The following MICALL1 variants were observed in gnomAD, a reference collection of about 807,000 sequenced individuals.
The protein encoded by MICALL1 is MICAL like 1.
A neutral mutation model predicts 83.7 loss-of-function variants in MICALL1; 61 were observed. The observed-to-expected ratio is 0.73, with a 90% CI of 0.59 to 0.90. The LOEUF is 0.90. Ranked by LOEUF, MICALL1 falls within the 40% of genes least tolerant of loss-of-function variation. The pLI is 0.00. For missense variants in MICALL1, 1,066 were observed against 1,152.0 expected, an observed-to-expected ratio of 0.93 and a Z score of 1.08; for synonymous variants, 481 against 473.6, an observed-to-expected ratio of 1.02 and a Z score of -0.20.
At chr22:37,914,644 TA>T (rs1443616879) in intron 3 of MICALL1, among the ~76,000 whole-genome samples, 33 of 152,052 alleles carry the variant, frequency 2.2e-4, no homozygotes, top group East Asian at 5.8e-4. Flanking sequence ...CATATATGTG[TA>T]TTTTTTTTGA....
At position 37,924,543 on chromosome 22, in the gene MICALL1, C is replaced by T. The variant is rs1929297566; in HGVS notation, c.1025-117C>T. ...CTCCATGGGCTGGCCTGGGGAGGTG[C>T]GAGGGTGCCAGGAGGAAGGCGGGGC... On this transcript the variant is annotated intron_variant, in intron 6 of 15. Coordinates refer to ENST00000215957, the MANE Select transcript of MICALL1 (RefSeq NM_033386.4). This position sits in a 1 kb window ranked among gnomAD's most constrained non-coding sequence, Gnocchi z 5.2. The T allele has an allele frequency of 9.4e-6, 9 of 959,476 alleles. No individual in the cohort carries two copies. The highest frequency in any genetic ancestry group is 2.7e-4 in the Middle Eastern group (1 of 3,690). 59.4% of individuals were successfully genotyped at this position (959,476 alleles called of 1,614,324 possible).
rs538262253 is a variant in MICALL1, at chr22:37,924,077, G to A, written c.1025-583G>A. On this transcript the variant is annotated intron_variant, in intron 6 of 15. Transcript: ENST00000215957. The surrounding 1 kb of genome is among the most constrained non-coding windows in gnomAD (Gnocchi z 5.2). ...TATCATTCCATTAGGGAAGGCATTG[G>A]TGGCCACGGGGAGAGAGACTCCCAG... Among the ~76,000 whole-genome samples, 6 of 152,188 alleles carry A rather than the reference G, an allele frequency of 3.9e-5. No homozygotes were observed. The highest frequency in any genetic ancestry group is 6.5e-5 in the Admixed American group (1 of 15,280).
chr22:37,922,410 C>T lies in MICALL1; in HGVS notation c.1008C>T (p.Ser336=). The part of the protein sequence containing the change: ...QQENLVEQAG[S]SSLVNGRLHE... ...AGAACCTGGTGGAGCAGGCTGGCAGCAGCAGCCTGGTGAACGGTGAGCAGG... is the reference window on the plus strand; with the variant it reads ...AGAACCTGGTGGAGCAGGCTGGCAGTAGCAGCCTGGTGAACGGTGAGCAGG... Residue 336 remains serine (S), a synonymous_variant, in exon 6 of 16, where the codon AGC becomes AGT. Coordinates refer to ENST00000215957, the MANE Select transcript of MICALL1 (RefSeq NM_033386.4). 1.3e-6 allele frequency: 2 copies of T among 1,531,022 alleles called. No homozygotes were observed. Among genetic ancestry groups the T allele is most frequent in the Non-Finnish European group, 1.8e-6 (2 of 1,142,718 alleles). The allele number at this position is 1,531,022 out of a possible 1,614,324, so 94.8% of individuals were successfully genotyped here.
Position 37,909,624 on chromosome 22 carries a change from CTGGGATTATA to C in MICALL1, c.147-2327_147-2318del, listed in dbSNP as rs780309490. Reference sequence around the variant, plus strand: ...CCACCTGCCTTGGCCTCCCAAAGTGCTGGGATTATAGGTGTGAGCCACCGCGCCTGGCCAA... The same window carrying C: ...CCACCTGCCTTGGCCTCCCAAAGTGCGGTGTGAGCCACCGCGCCTGGCCAA... On this transcript the variant is annotated intron_variant, in intron 1 of 15. Transcript: ENST00000215957. Among the ~76,000 whole-genome samples the C allele has an allele frequency of 5.3e-4, 80 of 152,174 alleles. 1 individual carries two copies. The highest frequency in any genetic ancestry group is 1.6e-3 in the Admixed American group (25 of 15,274).
chr22:37,937,160 G>A lies in MICALL1; in HGVS notation c.2389G>A (p.Ala797Thr), dbSNP rs1229108820. 15 of 1,551,200 alleles carry A rather than the reference G, an allele frequency of 9.7e-6. No individual in the cohort carries two copies. The highest frequency in any genetic ancestry group is 2.4e-5 in the East Asian group (1 of 40,892). Residue 797 changes from alanine to threonine, a missense_variant, in exon 14 of 16, where the codon GCT becomes ACT. Coordinates refer to ENST00000215957, the MANE Select transcript of MICALL1 (RefSeq NM_033386.4). ...TGTGACCCTCATTGAGCAGCGCAAC[G>A]CTATCATCAACTGCCTGGATGAGGA... ...ELVTLIEQRN[A>T]IINCLDEDRQ...
At chr22:37,933,925 T>C (rs570361204) in intron 13 of MICALL1, among the ~76,000 whole-genome samples, 2 of 152,176 alleles carry the variant, frequency 1.3e-5, no homozygotes, top group South Asian at 4.1e-4. Flanking sequence ...CTCCAGACTG[T>C]GGGGATGGTG....
rs1346829306 is a variant in MICALL1 at position 37,907,610 on chromosome 22, C to G, written c.146+1042C>G. The G allele has an allele frequency of 2.0e-5, 3 of 152,334 alleles. No individual in the cohort carries two copies. In the South Asian group the frequency reaches 6.2e-4, roughly 31 times the overall value. 9.4% of individuals were successfully genotyped at this position (152,334 alleles called of 1,614,324 possible). A position where few individuals can be genotyped will look rare whatever the true frequency, so the allele number is the denominator to read the frequency against. The stretch of plus-strand genomic sequence containing the variant: ...CCCCAGCCTGGCAGATGGAGGCTTT[C>G]TGTGCCTGTTCCACCTCCAGATTTG... On this transcript the variant is annotated intron_variant, in intron 1 of 15. Transcript: ENST00000215957.
At chr22:37,937,594 T>C in intron 14 of MICALL1, 152 bp from the exon 15 acceptor site, 1 of 680,458 alleles carries the variant, frequency 1.5e-6, no homozygotes, top group Non-Finnish European at 2.4e-6. Flanking sequence ...CAGCTACTTT[T>C]TGTATTTTTA....
At chr22:37,907,992 G>A (rs1189748097) in intron 1 of MICALL1, among the ~76,000 whole-genome samples, 1 of 152,184 alleles carries the variant, frequency 6.6e-6, no homozygotes, top group Non-Finnish European at 1.5e-5. Context: ...TTGAGGGGCA[G>A]GAGTGAGGCA....
In MICALL1 at chr22:37,906,395, G is replaced by A. The variant is rs910022652; in HGVS notation, c.-28G>A. The stretch of plus-strand genomic sequence containing the variant: ...CGGCCAAGCCGGGGCCCCGAAGCCA[G>A]AGCCGGAGCCGGGCGGGCCGCGGGG... On this transcript the variant is annotated 5_prime_UTR_variant, in exon 1 of 16. Coordinates refer to ENST00000215957, the MANE Select transcript of MICALL1 (RefSeq NM_033386.4). The surrounding 1 kb of genome is among the most constrained non-coding windows in gnomAD (Gnocchi z 4.4). 1.4e-5 allele frequency: 15 copies of A among 1,088,318 alleles called. No individual in the cohort carries two copies. The African/African-American group carries it at 2.5e-4, about 18-fold the overall frequency. The allele number at this position is 1,088,318 out of a possible 1,614,324, so 67.4% of individuals were successfully genotyped here. A position where few individuals can be genotyped will look rare whatever the true frequency, so the allele number is the denominator to read the frequency against.
chr22:37,929,931 G>C (rs548396677), intron 9 of MICALL1, among the ~76,000 whole-genome samples: 1 of 152,216 alleles, frequency 6.6e-6, no homozygotes, highest in Non-Finnish European at 1.5e-5. Flanking sequence ...CTTGGGCATT[G>C]ATTCTGGCTC....
chr22:37,916,449 C>T (rs1287875390), intron 3 of MICALL1, among the ~76,000 whole-genome samples: 3 of 152,224 alleles, frequency 2.0e-5, no homozygotes, highest in African/African-American at 7.2e-5. Context: ...GTGATGTGTT[C>T]CAACTCTGGA....
At chr22:37,933,417 G>C (rs527963071) in intron 13 of MICALL1, among the ~76,000 whole-genome samples, 48 of 152,284 alleles carry the variant, frequency 3.2e-4, no homozygotes, top group African/African-American at 1.2e-3. Context: ...GACCAGCCCA[G>C]CCTGTTTTGT....
In MICALL1 at chr22:37,922,425, C is replaced by T. The variant is rs1320958526; in HGVS notation, c.1023C>T (p.Asn341=). The T allele has an allele frequency of 2.9e-5, 44 of 1,519,348 alleles. No individual in the cohort carries two copies. Among genetic ancestry groups the T allele is most frequent in the African/African-American group, 4.1e-5 (3 of 72,352 alleles). 94.1% of individuals were successfully genotyped at this position (1,519,348 alleles called of 1,614,324 possible). The change falls in exon 6 of 16, where the codon AAC becomes AAT. Residue 341 remains asparagine (N), a splice_region_variant and synonymous_variant. Coordinates refer to ENST00000215957, the MANE Select transcript of MICALL1 (RefSeq NM_033386.4). ...VEQAGSSSLV[N]GRLHELPVPK... is the part of the protein sequence containing the mutation. ...AGGCTGGCAGCAGCAGCCTGGTGAA[C>T]GGTGAGCAGGGTGCAGTCAGGGCAG... is the stretch of plus-strand genomic sequence containing the variant.
intron 3 of MICALL1, among the ~76,000 whole-genome samples, chr22:37,915,859 C>G (rs867641746): frequency 2.4e-4 from 37 of 152,172 alleles, no homozygotes; most frequent in African/African-American, 8.7e-4. Flanking sequence ...GATGGCCGGT[C>G]TGGTCTGGGA....
At chr22:37,925,534 G>T in intron 7 of MICALL1, 127 bp from the exon 8 acceptor site, 1 of 644,402 alleles carries the variant, frequency 1.6e-6, no homozygotes, top group South Asian at 1.9e-5. Flanking sequence ...ATGGGGATGG[G>T]GGTGGGAGAA....
At chr22:37,935,938 A>G (rs1280769682) in intron 13 of MICALL1, among the ~76,000 whole-genome samples, 1 of 152,036 alleles carries the variant, frequency 6.6e-6, no homozygotes, top group Admixed American at 6.6e-5. Flanking sequence ...CCATTTGGCC[A>G]GGCTGGTCTC....
At chr22:37,925,607 G>A (rs565411111) in intron 7 of MICALL1, 54 bp from the exon 8 acceptor site, 4 of 1,453,074 alleles carry the variant, frequency 2.8e-6, no homozygotes, top group Non-Finnish European at 3.8e-6. Context: ...AGAGAGAGAA[G>A]GAAGCTGACC....
At chr22:37,928,499 C>T (rs1929615329) in intron 9 of MICALL1, among the ~76,000 whole-genome samples, 1 of 152,242 alleles carries the variant, frequency 6.6e-6, no homozygotes, top group Non-Finnish European at 1.5e-5. Context: ...AGCCACTGCC[C>T]CCGGCTGTCT....
Sources: allele counts gnomAD v4.1 joint callset (sites outside exome capture counted in the v4.1 genomes callset), GRCh38; gene constraint gnomAD v4.1.1; non-coding constraint Gnocchi (gnomAD v3.1); transcripts MANE v1.5; gene names NCBI Gene and HGNC (gene_info 2026-07-23, HGNC 2026-07-21).